Variants in TMEM120A observed in about 807,000 individuals in gnomAD.
TMEM120A encodes the protein ion channel TACAN.
A neutral mutation model predicts 54.3 loss-of-function variants in TMEM120A; 45 were observed. The observed-to-expected ratio is 0.83, with a 90% CI of 0.65 to 1.06. TMEM120A has a LOEUF of 1.06. Ranked by LOEUF, TMEM120A falls within the 50% of genes least tolerant of loss-of-function variation. The pLI is 0.00. For synonymous variants in TMEM120A, 204 were observed against 178.5 expected (o/e 1.14, Z -1.14); for missense variants, 424 against 441.7 (o/e 0.96, Z 0.36).
chr7:75,987,756 C>G lies in TMEM120A; in HGVS notation c.746G>C (p.Arg249Pro). 6.2e-7 allele frequency: 1 copy of G among 1,612,316 alleles called. No homozygotes were observed. The highest frequency in any genetic ancestry group is 8.5e-7 in the Non-Finnish European group (1 of 1,179,780). The part of the protein sequence containing the change: ...YYQSGCLYRL[R>P]ALGERHTMDL... ...CATGGTGTGCCGCTCGCCCAGCGCCCGCAGGCGGTAGAGGCAGCCGCTCTG... is the reference window on the plus strand; with the variant it reads ...CATGGTGTGCCGCTCGCCCAGCGCCGGCAGGCGGTAGAGGCAGCCGCTCTG... Residue 249 changes from arginine (R) to proline (P), a missense_variant, in exon 9 of 12, where the codon CGG becomes CCG. Arg to Pro is a moderately radical substitution (Grantham distance 103). Coordinates refer to ENST00000493111, the MANE Select transcript of TMEM120A (RefSeq NM_031925.3).
chr7:75,991,600 T>C (rs1017832428), intron 3 of TMEM120A, among the ~76,000 whole-genome samples: 9 of 152,112 alleles, frequency 5.9e-5, no homozygotes, highest in African/African-American at 2.2e-4. Flanking sequence ...GAGATGGGTT[T>C]TACCATGTTG....
At chr7:75,992,889 G>A (rs1048661894) in intron 1 of TMEM120A, among the ~76,000 whole-genome samples, 3 of 152,100 alleles carry the variant, frequency 2.0e-5, no homozygotes, top group African/African-American at 7.2e-5. Context: ...TCCAACCTCC[G>A]CCTCCCGGGT....
At chr7:75,993,470 G>A (rs1011022210) in intron 1 of TMEM120A, among the ~76,000 whole-genome samples, 8 of 152,262 alleles carry the variant, frequency 5.3e-5, no homozygotes, top group African/African-American at 1.7e-4. Context: ...GATGGGGCAA[G>A]GGGCAGTGTG....
chr7:75,988,199 G>A (rs1314409830), intron 6 of TMEM120A, 51 bp from the exon 7 acceptor site: 1 of 1,611,560 alleles, frequency 6.2e-7, no homozygotes, highest in Non-Finnish European at 8.5e-7. Flanking sequence ...GCTTCCCGGA[G>A]GGTCCTGGCA....
At chr7:75,990,098 C>T (rs1789777440) in intron 3 of TMEM120A, among the ~76,000 whole-genome samples, 1 of 152,192 alleles carries the variant, frequency 6.6e-6, no homozygotes, top group African/African-American at 2.4e-5. Context: ...CTACAGAATG[C>T]TCCCGGCACA....
rs1428710587 is a variant in TMEM120A at position 75,987,871 on chromosome 7, C to A, written c.691+52G>T. 8 of 1,597,196 alleles carry A rather than the reference C, an allele frequency of 5.0e-6. No individual in the cohort carries two copies. In the East Asian group the frequency reaches 1.4e-4, roughly 27 times the overall value. ...CCCCGGGAGGGGTTCCCTGCCCCTG[C>A]CCCCCACCACGGGTGCCTCCAGGGC... is the stretch of plus-strand genomic sequence containing the variant. On this transcript the variant is annotated intron_variant, in intron 8 of 11. Coordinates refer to ENST00000493111, the MANE Select transcript of TMEM120A (RefSeq NM_031925.3).
Position 75,987,972 on chromosome 7 carries a change from G to A in TMEM120A, c.642C>T (p.Leu214=). 1 of 1,601,230 alleles carries A rather than the reference G, an allele frequency of 6.2e-7. No individual in the cohort carries two copies. Among genetic ancestry groups the A allele is most frequent in the South Asian group, 1.1e-5 (1 of 89,130 alleles). ...SGVMLTWPDG[L]MYQKFRNQFL... is the part of the protein sequence containing the mutation. ...ATTGGTTCCGGAATTTCTGGTACAT[G>A]AGACCGTCGGGCCTAAGGTAAAAAG... Residue 214 remains leucine (L), a synonymous_variant, in exon 8 of 12, where the codon CTC becomes CTT. Coordinates refer to ENST00000493111, the MANE Select transcript of TMEM120A (RefSeq NM_031925.3).
intron 4 of TMEM120A, 143 bp downstream of exon 4, chr7:75,989,022 G>A (rs1193427677): frequency 3.7e-6 from 1 of 270,728 alleles, no homozygotes; most frequent in Non-Finnish European, 7.0e-6. Flanking sequence ...GGGGGTGGAG[G>A]GGAAGGCCGG....
intron 1 of TMEM120A, among the ~76,000 whole-genome samples, chr7:75,993,042 T>G (rs1334975255): frequency 6.6e-6 from 1 of 152,028 alleles, no homozygotes; most frequent in African/African-American, 2.4e-5. Context: ...CCTCAGGTGA[T>G]CTGCCTGCCT....
chr7:75,986,841 G>A lies in TMEM120A; in HGVS notation c.*331C>T, dbSNP rs1432425629. ...AATAACCTCTGGCCCTTGGAATAAA[G>A]TTCTGTTTTCTGTATTTGCCTGGTA... On this transcript the variant is annotated 3_prime_UTR_variant, in exon 12 of 12. Transcript: ENST00000493111. 3.5e-6 allele frequency: 2 copies of A among 573,846 alleles called. No homozygotes were observed. Among genetic ancestry groups the A allele is most frequent in the Non-Finnish European group, 6.1e-6 (2 of 326,248 alleles). The allele number at this position is 573,846 out of a possible 1,614,324, so 35.5% of individuals were successfully genotyped here.
intron 4 of TMEM120A, 57 bp from the exon 5 acceptor site, chr7:75,988,573 CCA>C: frequency 7.6e-7 from 1 of 1,307,192 alleles, no homozygotes. Flanking sequence ...ATGTGTGCCC[CCA>C]CCCCGGGAGG....
intron 1 of TMEM120A, among the ~76,000 whole-genome samples, chr7:75,993,054 G>A (rs1462141130): frequency 4.6e-5 from 7 of 152,078 alleles, no homozygotes; most frequent in Non-Finnish European, 1.0e-4. Context: ...TGCCTGCCTC[G>A]GCCTCCCAAA....
intron 1 of TMEM120A, among the ~76,000 whole-genome samples, chr7:75,993,587 C>T (rs1165012923): frequency 1.3e-5 from 2 of 152,226 alleles, no homozygotes; most frequent in African/African-American, 2.4e-5. Context: ...CTTGGCAGGG[C>T]CAGGGGCAGC....
Position 75,987,369 on chromosome 7 carries a change from C to A in TMEM120A, c.909G>T (p.Lys303Asn), listed in dbSNP as rs1554560053. ...LFNLAQDPQCKEWQVLMCGFP... is the reference protein window; with the variant it reads ...LFNLAQDPQCNEWQVLMCGFP... ...AGGGACCCCGGCTCACCTGCCACTC[C>A]TTGCACTGAGGGTCCTGGGCCAGGT... Residue 303 changes from lysine (K) to asparagine (N), a missense_variant, in exon 11 of 12, where the codon AAG becomes AAT. Lys to Asn is a moderately conservative substitution (Grantham distance 94, BLOSUM62 0). Coordinates refer to ENST00000493111, the MANE Select transcript of TMEM120A (RefSeq NM_031925.3). The A allele has an allele frequency of 6.4e-7, 1 of 1,565,946 alleles. No homozygotes were observed. The highest frequency in any genetic ancestry group is 1.9e-5 in the Admixed American group (1 of 52,572).
At chr7:75,990,583 G>C (rs559604579) in intron 3 of TMEM120A, among the ~76,000 whole-genome samples, 1 of 152,108 alleles carries the variant, frequency 6.6e-6, no homozygotes, top group South Asian at 2.1e-4. Flanking sequence ...TCACAGCCAA[G>C]CTCTAAAAAG....
At chr7:75,988,542 G>T (rs1554560826) in intron 4 of TMEM120A, 26 bp from the exon 5 acceptor site, 1 of 1,563,770 alleles carries the variant, frequency 6.4e-7, no homozygotes, top group Admixed American at 1.7e-5. Context: ...CGGTGAGACG[G>T]GTGGGGTGCT....
intron 4 of TMEM120A, 61 bp from the exon 5 acceptor site, chr7:75,988,577 C>T: frequency 8.6e-7 from 1 of 1,166,356 alleles, no homozygotes; most frequent in Non-Finnish European, 1.2e-6. Context: ...GTGCCCCCAC[C>T]CCGGGAGGGC....
rs1789635063 is a variant in TMEM120A at position 75,988,288 on chromosome 7, G to A, written c.527C>T (p.Thr176Ile). The change falls in exon 6 of 12, where the codon ACC becomes ATC. Residue 176 changes from threonine (T) to isoleucine (I), a missense_variant. By Grantham distance (89) the Thr-to-Ile change is moderately conservative. Transcript: ENST00000493111. ...GTTGATGAGGATGCTCTCCCGGATG[G>A]TCAGGGTGCAGTAGTACCAGACCAG... Reference protein sequence around the residue: ...FLLVWYYCTLTIRESILINNG... With the variant: ...FLLVWYYCTLIIRESILINNG... 6.2e-7 allele frequency: 1 copy of A among 1,612,150 alleles called. No individual in the cohort carries two copies. The highest frequency in any genetic ancestry group is 1.3e-5 in the African/African-American group (1 of 74,922).
Position 75,987,133 on chromosome 7 carries a change from G to T in TMEM120A, c.*39C>A. On this transcript the variant is annotated 3_prime_UTR_variant, in exon 12 of 12. Transcript: ENST00000493111. ...TCCCATCCCCTCCCACAACACACAG[G>T]ACAGAAGCCCCTCTGGGCCGGCAGG... The T allele has an allele frequency of 6.6e-7, 1 of 1,524,448 alleles. No homozygotes were observed. Among genetic ancestry groups the T allele is most frequent in the South Asian group, 1.2e-5 (1 of 84,118 alleles). 94.4% of individuals were successfully genotyped at this position (1,524,448 alleles called of 1,614,324 possible).
Sources: gnomAD v4.1 joint callset for allele counts (sites outside exome capture counted in the v4.1 genomes callset) on GRCh38, gnomAD v4.1.1 for gene constraint, MANE v1.5 for transcripts, NCBI Gene and HGNC (gene_info 2026-07-23, HGNC 2026-07-21) for gene names.